The following TMEM101 variants were observed in gnomAD, a reference collection of about 807,000 sequenced individuals.
The protein encoded by TMEM101 is transmembrane protein 101, also known as putative NF-kappa-B-activating protein 130.
A neutral mutation model predicts 26.0 loss-of-function variants in TMEM101; 14 were observed. That is an observed-to-expected ratio of 0.54 (90% CI 0.36 to 0.84). The LOEUF is 0.84. Ranked by LOEUF, TMEM101 falls within the 40% of genes least tolerant of loss-of-function variation. The pLI is 0.01. For synonymous variants in TMEM101, 152 were observed against 145.1 expected (o/e 1.05, Z -0.34); for missense variants, 292 against 345.1 (o/e 0.85, Z 1.22).
At chr17:44,021,375 A>T (rs1471912695) in exon 2 of TMEM101, 3 of 152,222 alleles carry the variant, frequency 2.0e-5, no homozygotes, top group African/African-American at 7.2e-5. Flanking sequence ...ATTCATCCGC[A>T]TTCAAGTTTG....
intron 2 of TMEM101, among the ~76,000 whole-genome samples, chr17:44,020,694 C>T (rs1279488910): frequency 7.9e-5 from 12 of 152,220 alleles, no homozygotes; most frequent in African/African-American, 2.7e-4. Flanking sequence ...TGCACTCCAG[C>T]CTGGGCGACA....
chr17:44,022,103 C>T (rs2049290742), intron 1 of TMEM101, among the ~76,000 whole-genome samples: 2 of 152,148 alleles, frequency 1.3e-5, no homozygotes, highest in South Asian at 4.1e-4. Flanking sequence ...AAAATGTTAC[C>T]CAAATGGGGA....
chr17:44,012,516 G>C, intron 3 of TMEM101: 3 of 511,362 alleles, frequency 5.9e-6, no homozygotes, highest in Non-Finnish European at 1.0e-5. Flanking sequence ...AGCCCACACA[G>C]AGAGCTGTAC....
chr17:44,015,086 T>C, upstream of TMEM101: 2 of 1,285,048 alleles, frequency 1.6e-6, no homozygotes, highest in South Asian at 3.1e-5. Flanking sequence ...TAGTTCCGGA[T>C]CTAAGGTGAC....
intron 2 of TMEM101, among the ~76,000 whole-genome samples, 179 bp from the exon 3 acceptor site, chr17:44,013,334 A>C (rs1194465800): frequency 6.6e-6 from 1 of 152,146 alleles, no homozygotes; most frequent in Non-Finnish European, 1.5e-5. Context: ...ATATATATAG[A>C]AGTAGAAACT....
chr17:44,019,797 A>G (rs563748130), upstream of TMEM101, among the ~76,000 whole-genome samples: 2 of 152,366 alleles, frequency 1.3e-5, no homozygotes, highest in South Asian at 4.1e-4. Flanking sequence ...ATACAGGGTA[A>G]GCACAGGAGA....
At chr17:44,018,660 T>C (rs1454686611), upstream of TMEM101, among the ~76,000 whole-genome samples, 3 of 152,074 alleles carry the variant, frequency 2.0e-5, no homozygotes, top group Non-Finnish European at 4.4e-5. Context: ...GTCCATAAAA[T>C]AGTCCTAGGA....
upstream of TMEM101, among the ~76,000 whole-genome samples, chr17:44,018,200 C>A (rs574501933): frequency 6.6e-6 from 1 of 152,110 alleles, no homozygotes; most frequent in Non-Finnish European, 1.5e-5. Context: ...GCATGGTGGC[C>A]CACATCTGTA....
chr17:44,021,864 T>A (rs2144040880), intron 1 of TMEM101, among the ~76,000 whole-genome samples: 1 of 152,368 alleles, frequency 6.6e-6, no homozygotes, highest in South Asian at 2.1e-4. Flanking sequence ...CTCTGGCAGC[T>A]TCCAGGTCCA....
chr17:44,015,985 T>C (rs2049226501), upstream of TMEM101, among the ~76,000 whole-genome samples: 1 of 152,016 alleles, frequency 6.6e-6, no homozygotes, highest in African/African-American at 2.4e-5. Flanking sequence ...ATCCAGGTGG[T>C]CTCTGCATTC....
At chr17:44,016,146 T>C (rs141121198), upstream of TMEM101, among the ~76,000 whole-genome samples, 1,576 of 151,458 alleles carry the variant, frequency 0.01, 14 homozygotes, top group Admixed American at 0.018. Context: ...CACACACACA[T>C]ATATATATAT....
chr17:44,013,637 C>T (rs928842646), intron 2 of TMEM101, among the ~76,000 whole-genome samples: 3 of 152,134 alleles, frequency 2.0e-5, no homozygotes, highest in Non-Finnish European at 4.4e-5. Flanking sequence ...CCAGCCTGGG[C>T]GACGGAGAGA....
intron 1 of TMEM101, 82 bp from the exon 2 acceptor site, chr17:44,014,619 G>A (rs980235342): frequency 9.8e-6 from 15 of 1,524,484 alleles, no homozygotes; most frequent in African/African-American, 9.6e-5. Context: ...GTTCCCACAG[G>A]CTCCACTGCT....
rs548608928 is a variant in TMEM101, at chr17:44,011,529, G to A, written c.*399C>T. The A allele has an allele frequency of 1.4e-4, 33 of 237,354 alleles. 1 individual carries two copies. The highest frequency in any genetic ancestry group is 7.6e-4 in the African/African-American group (33 of 43,536). The allele number at this position is 237,354 out of a possible 1,614,324, so 14.7% of individuals were successfully genotyped here. On this transcript the variant is annotated 3_prime_UTR_variant, in exon 4 of 4. Coordinates refer to ENST00000206380, the MANE Select transcript of TMEM101 (RefSeq NM_032376.4). ...CCAAACAGCACTGCAGAGCCTAGCTGCATCTGCCAGGTTCAAAGAGGAATT... is the reference window on the plus strand; with the variant it reads ...CCAAACAGCACTGCAGAGCCTAGCTACATCTGCCAGGTTCAAAGAGGAATT...
upstream of TMEM101, chr17:44,015,146 A>G: frequency 1.6e-6 from 1 of 619,696 alleles, no homozygotes; most frequent in South Asian, 2.3e-5. Flanking sequence ...CTTCAGGGCC[A>G]TATTTGTCCC....
Position 44,014,944 on chromosome 17 carries a change from C to T in TMEM101, c.9G>A (p.Ser3=), listed in dbSNP as rs1174569216. The T allele has an allele frequency of 6.2e-7, 1 of 1,611,480 alleles. No individual in the cohort carries two copies. The highest frequency in any genetic ancestry group is 8.5e-7 in the Non-Finnish European group (1 of 1,178,512). Residue 3 remains serine, a synonymous_variant, in exon 1 of 4, where the codon TCG becomes TCA. Coordinates refer to ENST00000206380, the MANE Select transcript of TMEM101 (RefSeq NM_032376.4). ...ACATCCACCGTCTCGAACCTATCTT[C>T]GACGCCATCTTGGGAAAGGGCAGTC... MA[S]KIGSRRWMLQ... is the part of the protein sequence containing the mutation.
chr17:44,021,169 T>A (rs762589945), intron 2 of TMEM101, among the ~76,000 whole-genome samples: 1 of 152,196 alleles, frequency 6.6e-6, no homozygotes, highest in African/African-American at 2.4e-5. Context: ...TTGTTTCTAT[T>A]GGGGTGGAAA....
At chr17:44,020,144 A>C (rs564670796) in intron 2 of TMEM101, among the ~76,000 whole-genome samples, 7 of 152,202 alleles carry the variant, frequency 4.6e-5, no homozygotes, top group Non-Finnish European at 1.0e-4. Context: ...AGTCCGGCGC[A>C]TTCATAACCA....
At chr17:44,013,448 G>A (rs2144011024) in intron 2 of TMEM101, among the ~76,000 whole-genome samples, 1 of 152,272 alleles carries the variant, frequency 6.6e-6, no homozygotes, top group African/African-American at 2.4e-5. Flanking sequence ...TCACCCTGAG[G>A]TCAGGAGTTT....
Sources: allele counts gnomAD v4.1 joint callset (sites outside exome capture counted in the v4.1 genomes callset), GRCh38; gene constraint gnomAD v4.1.1; transcripts MANE v1.5; gene names NCBI Gene and HGNC (gene_info 2026-07-23, HGNC 2026-07-21).